Variants in TBX15 observed in about 807,000 individuals in gnomAD.
TBX15 encodes T-box transcription factor 15, also known as T-box transcription factor TBX15.
Under a neutral mutation model 53.9 loss-of-function variants are expected in TBX15, and 18 were observed. The observed-to-expected ratio is 0.33, with a 90% CI of 0.23 to 0.49. The LOEUF is 0.49. TBX15 is among the 20% of genes least tolerant of loss of function. The pLI, the probability that TBX15 is intolerant of heterozygous loss-of-function variation, is 0.98. For synonymous variants in TBX15, 295 were observed against 278.0 expected, an observed-to-expected ratio of 1.06 and a Z score of -0.61; for missense variants, 692 against 749.5, an observed-to-expected ratio of 0.92 and a Z score of 0.90.
intron 1 of TBX15, among the ~76,000 whole-genome samples, chr1:118,985,267 C>T (rs1444467833): frequency 2.0e-5 from 3 of 152,140 alleles, no homozygotes; most frequent in Admixed American, 6.5e-5. Context: ...GAGACGCTGC[C>T]CTGGGCACAA....
At position 118,884,322 on chromosome 1, in the gene TBX15, G is replaced by T. The variant is rs1653840239; in HGVS notation, c.*410C>A. 1 of 236,220 alleles carries T rather than the reference G, an allele frequency of 4.2e-6. No individual in the cohort carries two copies. Among genetic ancestry groups the T allele is most frequent in the South Asian group, 5.9e-5 (1 of 16,834 alleles). The allele number at this position is 236,220 out of a possible 1,614,324, so 14.6% of individuals were successfully genotyped here. Reference sequence around the variant, plus strand: ...GTATGATTGCATGTGTATGAATTGTGTATGAATATGTATGTGTGTGTGCAC... The same window carrying T: ...GTATGATTGCATGTGTATGAATTGTTTATGAATATGTATGTGTGTGTGCAC... On this transcript the variant is annotated 3_prime_UTR_variant, in exon 8 of 8. Transcript: ENST00000369429.
At chr1:118,889,307 C>T (rs1039672099) in intron 7 of TBX15, among the ~76,000 whole-genome samples, 5 of 152,156 alleles carry the variant, frequency 3.3e-5, no homozygotes, top group Non-Finnish European at 7.3e-5. Flanking sequence ...AACAGCTTGT[C>T]GAATGTTAAA....
intron 1 of TBX15, among the ~76,000 whole-genome samples, chr1:118,944,751 C>T (rs1290504531): frequency 6.6e-6 from 1 of 152,224 alleles, no homozygotes; most frequent in Admixed American, 6.5e-5. Flanking sequence ...AGAGTTCCCA[C>T]TTCAATTCCC....
intron 7 of TBX15, among the ~76,000 whole-genome samples, chr1:118,890,110 A>T (rs751561320): frequency 3.3e-5 from 5 of 152,216 alleles, no homozygotes; most frequent in Non-Finnish European, 5.9e-5. Flanking sequence ...TGTTTGTTGT[A>T]CATGCTAGAG....
rs1215732245 is a variant in TBX15, at chr1:118,885,516, C to G, written c.1025G>C (p.Gly342Ala). 2 of 1,577,952 alleles carry G rather than the reference C, an allele frequency of 1.3e-6. No homozygotes were observed. The highest frequency in any genetic ancestry group is 1.7e-6 in the Non-Finnish European group (2 of 1,160,082). Residue 342 changes from glycine to alanine, a missense_variant and splice_region_variant, in exon 8 of 8, where the codon GGA becomes GCA. By Grantham distance (60) the Gly-to-Ala change is moderately conservative. Around this residue, in one of 3 missense-constraint regions of TBX15, gnomAD observed 375 missense variants for 371.6 expected, o/e 1.01. Coordinates refer to ENST00000369429, the MANE Select transcript of TBX15 (RefSeq NM_001330677.2). Reference sequence around the variant, plus strand: ...GGTTGGGGAAGTGCCTGTGCTGCCTCCTGAAAAATAAAACGTGAATACTAT... The same window carrying G: ...GGTTGGGGAAGTGCCTGTGCTGCCTGCTGAAAAATAAAACGTGAATACTAT... ...EDFTTMQKQQ[G>A]GSTGTSPTTS...
chr1:118,967,536 G>A (rs973236757), intron 1 of TBX15, among the ~76,000 whole-genome samples: 1 of 152,116 alleles, frequency 6.6e-6, no homozygotes, highest in Non-Finnish European at 1.5e-5. Context: ...CACCTCATCT[G>A]CCAACTCAAC....
chr1:118,936,875 C>G (rs958747186), intron 1 of TBX15, among the ~76,000 whole-genome samples: 2 of 152,112 alleles, frequency 1.3e-5, no homozygotes, highest in African/African-American at 4.8e-5. Flanking sequence ...TTTTATGTCA[C>G]CAAATATTTC....
At chr1:118,937,938 T>C (rs998359304) in intron 1 of TBX15, among the ~76,000 whole-genome samples, 1 of 152,172 alleles carries the variant, frequency 6.6e-6, no homozygotes, top group Non-Finnish European at 1.5e-5. Flanking sequence ...GGCAGCCCTG[T>C]CTGTACCAGG....
At chr1:118,988,724 T>G (rs935312440), upstream of TBX15, among the ~76,000 whole-genome samples, 1 of 152,240 alleles carries the variant, frequency 6.6e-6, no homozygotes, top group Non-Finnish European at 1.5e-5. Context: ...CTGTCCAAAA[T>G]GCCAGAAAAC....
At chr1:118,966,645 G>T (rs1364046156) in intron 1 of TBX15, among the ~76,000 whole-genome samples, 1 of 152,196 alleles carries the variant, frequency 6.6e-6, no homozygotes, top group Admixed American at 6.5e-5. Flanking sequence ...TTGAGGCTGG[G>T]CATTTTAGCA....
chr1:118,889,918 G>A (rs114212530), intron 7 of TBX15, among the ~76,000 whole-genome samples: 1 of 152,248 alleles, frequency 6.6e-6, no homozygotes, highest in African/African-American at 2.4e-5. Flanking sequence ...TTACAGGCGT[G>A]AGCCACTGCA....
chr1:118,979,894 G>T (rs1394725799), intron 1 of TBX15, among the ~76,000 whole-genome samples: 5 of 152,186 alleles, frequency 3.3e-5, no homozygotes, highest in African/African-American at 1.2e-4. Context: ...ACAGGAACTC[G>T]GGCTGGCACA....
intron 1 of TBX15, among the ~76,000 whole-genome samples, chr1:118,951,534 T>C (rs1656511647): frequency 6.6e-6 from 1 of 152,204 alleles, no homozygotes; most frequent in South Asian, 2.1e-4. Flanking sequence ...CCTTCCTCTC[T>C]TGTTGGCAAG....
At chr1:118,900,972 G>A (rs1287283203) in intron 6 of TBX15, among the ~76,000 whole-genome samples, 2 of 152,138 alleles carry the variant, frequency 1.3e-5, no homozygotes, top group African/African-American at 4.8e-5. Flanking sequence ...TACTGATGAT[G>A]AGGACAAAAT....
At chr1:118,970,471 C>T (rs1571213934) in intron 1 of TBX15, among the ~76,000 whole-genome samples, 1 of 152,134 alleles carries the variant, frequency 6.6e-6, no homozygotes, top group African/African-American at 2.4e-5. Flanking sequence ...TAAAGAGAAA[C>T]CGTCTTGCAA....
Position 118,885,090 on chromosome 1 carries a change from C to G in TBX15, c.1451G>C (p.Gly484Ala). Residue 484 changes from glycine (G) to alanine (A), a missense_variant, in exon 8 of 8, where the codon GGC (glycine) becomes GCC (alanine). By Grantham distance (60) the Gly-to-Ala change is moderately conservative. Transcript: ENST00000369429. ...TGATGAGGAGCTGGAGGCAGCATTG[C>G]CTGCCTGCATGACATACTGAAACTG... ...TSQFQYVMQA[G>A]NAASSSSSPH... 6.2e-7 allele frequency: 1 copy of G among 1,614,146 alleles called. No individual in the cohort carries two copies. The highest frequency in any genetic ancestry group is 8.5e-7 in the Non-Finnish European group (1 of 1,180,022).
chr1:118,894,035 G>A (rs374508824), intron 7 of TBX15, among the ~76,000 whole-genome samples: 105 of 152,270 alleles, frequency 6.9e-4, no homozygotes, highest in African/African-American at 2.3e-3. Context: ...TTTCCCCAAG[G>A]AAGTCATATT....
At chr1:118,912,253 C>G (rs1332394872) in intron 6 of TBX15, among the ~76,000 whole-genome samples, 2 of 151,998 alleles carry the variant, frequency 1.3e-5, no homozygotes, top group East Asian at 3.9e-4. Flanking sequence ...ATAACTAACA[C>G]CAGTAGGTTG....
intron 1 of TBX15, among the ~76,000 whole-genome samples, chr1:118,937,259 G>A (rs1421803189): frequency 6.6e-6 from 1 of 152,112 alleles, no homozygotes; most frequent in Non-Finnish European, 1.5e-5. Context: ...TAAAGGTAGA[G>A]GAGAAGTAAG....
Sources: allele counts gnomAD v4.1 joint callset (sites outside exome capture counted in the v4.1 genomes callset), GRCh38; gene constraint gnomAD v4.1.1; regional missense constraint gnomAD v4.1.1; transcripts MANE v1.5; gene names NCBI Gene and HGNC (gene_info 2026-07-23, HGNC 2026-07-21).